The following SORCS1 variants were observed in gnomAD, a reference collection of about 807,000 sequenced individuals.
SORCS1 encodes the protein sortilin related VPS10 domain containing receptor 1, also known as VPS10 domain-containing receptor SorCS1.
Under a neutral mutation model 146.1 loss-of-function variants are expected in SORCS1, and 60 were observed. That is an observed-to-expected ratio of 0.41 (90% confidence interval 0.33 to 0.51). The LOEUF is 0.51. Ranked by LOEUF, SORCS1 falls within the 20% of genes least tolerant of loss-of-function variation. SORCS1 has a pLI of 0.21. For synonymous variants in SORCS1, 637 were observed against 584.0 expected (o/e 1.09, Z -1.31); for missense variants, 1,352 against 1,487.6 (o/e 0.91, Z 1.50).
chr10:106,838,414 C>G (rs1948877052), intron 2 of SORCS1, among the ~76,000 whole-genome samples: 1 of 152,126 alleles, frequency 6.6e-6, no homozygotes, highest in Admixed American at 6.5e-5. Context: ...TTGTTACAAT[C>G]AAAGAACCTA....
chr10:107,052,187 TCCCTGTGGAGG>T (rs1960184843), intron 1 of SORCS1, among the ~76,000 whole-genome samples: 1 of 152,140 alleles, frequency 6.6e-6, no homozygotes, highest in Non-Finnish European at 1.5e-5. Context: ...GTTCTGGACT[TCCCTGTGGAGG>T]CCTGCTGGCT....
intron 1 of SORCS1, among the ~76,000 whole-genome samples, chr10:107,131,264 C>G (rs948567551): frequency 6.6e-6 from 1 of 152,174 alleles, no homozygotes; most frequent in African/African-American, 2.4e-5. Flanking sequence ...TTAGATCTTT[C>G]ACATCACATT....
At chr10:106,697,207 A>C (rs1270236580) in intron 9 of SORCS1, among the ~76,000 whole-genome samples, 2 of 152,298 alleles carry the variant, frequency 1.3e-5, no homozygotes, top group Admixed American at 6.5e-5. Flanking sequence ...GGTATAGGCC[A>C]TAATCCCAGC....
intron 2 of SORCS1, among the ~76,000 whole-genome samples, chr10:106,941,047 A>T (rs562436054): frequency 6.6e-6 from 1 of 152,102 alleles, no homozygotes; most frequent in African/African-American, 2.4e-5. Context: ...TGTTCGGGTT[A>T]CCTCCCTATG....
chr10:106,762,129 A>G (rs1260971405), intron 4 of SORCS1, among the ~76,000 whole-genome samples: 2 of 152,214 alleles, frequency 1.3e-5, no homozygotes. Context: ...TGCAGAAGAC[A>G]GGAGCCAATT....
At chr10:106,714,431 G>A (rs1014668568) in intron 6 of SORCS1, among the ~76,000 whole-genome samples, 4 of 151,980 alleles carry the variant, frequency 2.6e-5, no homozygotes, top group African/African-American at 9.7e-5. Flanking sequence ...TTATTCCAAT[G>A]TTAATTTCCT....
At position 106,958,697 on chromosome 10, in the gene SORCS1, G is replaced by A. The variant is rs140105909; in HGVS notation, c.559-2117C>T. On this transcript the variant is annotated intron_variant, in intron 1 of 25. Transcript: ENST00000263054. ...TCAAAACTTGCTTCTTTAGCAAAAC[G>A]TGAGCATGTGTGAGGTGCGGGGCAC... Among the ~76,000 whole-genome samples the A allele has an allele frequency of 3.3e-4, 50 of 152,262 alleles. 1 individual carries two copies. The highest frequency in any genetic ancestry group is 1.2e-3 in the African/African-American group (48 of 41,570).
At chr10:106,646,901 C>G (rs1409328094) in intron 18 of SORCS1, among the ~76,000 whole-genome samples, 1 of 149,296 alleles carries the variant, frequency 6.7e-6, no homozygotes, top group Non-Finnish European at 1.5e-5. Flanking sequence ...GGGTGTGTGT[C>G]TATATATATA....
At chr10:107,047,267 G>A (rs1255476781) in intron 1 of SORCS1, among the ~76,000 whole-genome samples, 3 of 152,148 alleles carry the variant, frequency 2.0e-5, no homozygotes. Flanking sequence ...GGGATTACAG[G>A]CATGAGCCAC....
intron 17 of SORCS1, 142 bp from the exon 18 acceptor site, chr10:106,652,695 T>C: frequency 1.3e-6 from 1 of 790,516 alleles, no homozygotes; most frequent in African/African-American, 1.7e-5. Flanking sequence ...AGGAGTAGGG[T>C]TAATTCATAT....
At chr10:106,688,656 T>G (rs1853057871) in intron 9 of SORCS1, among the ~76,000 whole-genome samples, 1 of 152,178 alleles carries the variant, frequency 6.6e-6, no homozygotes, top group Non-Finnish European at 1.5e-5. Context: ...CTCTGTTGCT[T>G]GGTAAGTAAT....
Position 106,629,285 on chromosome 10 carries a change from T to C in SORCS1, c.2579A>G (p.Gln860Arg). ...SMEDGIKHVYQNVGIFRVTVQ... is the reference protein window; with the variant it reads ...SMEDGIKHVYRNVGIFRVTVQ... ...GGTCACACGGAAAATGCCCACGTTC[T>C]GATAGACGTGTTTGATCCCATCTTC... The change falls in exon 19 of 26, where the codon CAG becomes CGG. Residue 860 changes from glutamine to arginine, a missense_variant. By Grantham distance (43) the Gln-to-Arg change is conservative (BLOSUM62 1). This residue lies in a region of SORCS1 where 648 missense variants were observed against 793.8 expected (regional missense o/e 0.82). Transcript: ENST00000263054. The C allele has an allele frequency of 6.2e-7, 1 of 1,614,182 alleles. No homozygotes were observed. Among genetic ancestry groups the C allele is most frequent in the Non-Finnish European group, 8.5e-7 (1 of 1,180,010 alleles).
At chr10:106,905,194 A>T (rs1245363938) in intron 2 of SORCS1, among the ~76,000 whole-genome samples, 1 of 152,194 alleles carries the variant, frequency 6.6e-6, no homozygotes, top group Non-Finnish European at 1.5e-5. Context: ...CAAATTGCTA[A>T]ATAAATCCAA....
At chr10:106,832,181 CTTTT>C (rs71025561) in intron 2 of SORCS1, among the ~76,000 whole-genome samples, 5 of 130,348 alleles carry the variant, frequency 3.8e-5, no homozygotes, top group East Asian at 4.4e-4. Flanking sequence ...TTTGTTTTCG[CTTTT>C]TTTTTTTTTT....
chr10:107,157,432 T>C (rs1385852876), intron 1 of SORCS1, among the ~76,000 whole-genome samples: 3 of 152,156 alleles, frequency 2.0e-5, no homozygotes, highest in Admixed American at 6.5e-5. Flanking sequence ...AGAGTGTAGA[T>C]GATATTTGTC....
At chr10:107,103,879 T>C (rs1590145217) in intron 1 of SORCS1, among the ~76,000 whole-genome samples, 1 of 152,180 alleles carries the variant, frequency 6.6e-6, no homozygotes, top group East Asian at 1.9e-4. Context: ...GGCTTCATTT[T>C]AGAGCCAGGA....
At chr10:106,924,172 T>G (rs1952864537) in intron 2 of SORCS1, among the ~76,000 whole-genome samples, 1 of 151,268 alleles carries the variant, frequency 6.6e-6, no homozygotes, top group Non-Finnish European at 1.5e-5. Context: ...GATAATCGCT[T>G]GAACCCGGGA....
At chr10:107,140,565 C>G (rs1012415709) in intron 1 of SORCS1, among the ~76,000 whole-genome samples, 1 of 152,154 alleles carries the variant, frequency 6.6e-6, no homozygotes, top group African/African-American at 2.4e-5. Flanking sequence ...CATTCTACAA[C>G]CTGCCTTTAG....
rs935906514 is a variant in SORCS1, at chr10:107,164,343, G to A, written c.184C>T (p.Pro62Ser). 6.5e-7 allele frequency: 1 copy of A among 1,532,074 alleles called. No individual in the cohort carries two copies. The highest frequency in any genetic ancestry group is 8.8e-7 in the Non-Finnish European group (1 of 1,141,596). 94.9% of individuals were successfully genotyped at this position (1,532,074 alleles called of 1,614,324 possible). ...TPRGFSHQGR[P>S]GRAPATPLPL... The stretch of plus-strand genomic sequence containing the variant: ...AGGGGCGTGGCAGGAGCCCTGCCTG[G>A]CCGCCCCTGGTGGGAAAAGCCCCTA... Residue 62 changes from proline to serine, a missense_variant, in exon 1 of 26, where the codon CCA becomes TCA. By Grantham distance (74) the Pro-to-Ser change is moderately conservative (BLOSUM62 -1). Coordinates refer to ENST00000263054, the MANE Select transcript of SORCS1 (RefSeq NM_052918.5). The surrounding 1 kb of genome is among the most constrained non-coding windows in gnomAD (Gnocchi z 6.8).
Sources: gnomAD v4.1 joint callset for allele counts (sites outside exome capture counted in the v4.1 genomes callset) on GRCh38, gnomAD v4.1.1 for gene constraint, gnomAD v4.1.1 regional missense constraint, Gnocchi (gnomAD v3.1) non-coding constraint, MANE v1.5 for transcripts, NCBI Gene and HGNC (gene_info 2026-07-23, HGNC 2026-07-21) for gene names.